Variants in CTNND2 observed in about 807,000 individuals in gnomAD.
The protein encoded by CTNND2 is catenin delta 2, also known as catenin delta-2.
Under a neutral mutation model 144.4 loss-of-function variants are expected in CTNND2, and 22 were observed. The observed-to-expected ratio is 0.15, with a 90% confidence interval of 0.11 to 0.22. The LOEUF (loss-of-function observed/expected upper bound fraction) is 0.22. CTNND2 is among the 10% of genes least tolerant of loss of function. The pLI, the probability that CTNND2 is intolerant of heterozygous loss-of-function variation, is 1.00. For missense variants in CTNND2, 1,353 were observed against 1,618.8 expected, an observed-to-expected ratio of 0.84 and a Z score of 2.82; for synonymous variants, 751 against 695.6, an observed-to-expected ratio of 1.08 and a Z score of -1.25.
At chr5:11,500,673 A>C (rs545051866) in intron 3 of CTNND2, among the ~76,000 whole-genome samples, 1 of 152,370 alleles carries the variant, frequency 6.6e-6, no homozygotes, top group African/African-American at 2.4e-5. Context: ...CCAGGTAATC[A>C]TCACCATGCT....
chr5:11,405,960 C>T (rs901224972), intron 5 of CTNND2, among the ~76,000 whole-genome samples: 1 of 152,084 alleles, frequency 6.6e-6, no homozygotes, highest in Non-Finnish European at 1.5e-5. Context: ...ACCAGCCTGA[C>T]CAACATGGTG....
intron 3 of CTNND2, among the ~76,000 whole-genome samples, chr5:11,481,679 CAGAG>C (rs574200228): frequency 6.6e-6 from 1 of 150,702 alleles, no homozygotes; most frequent in African/African-American, 2.4e-5. Flanking sequence ...AAGAGAGAGA[CAGAG>C]AGAGAGAGAG....
At chr5:10,998,702 A>C in intron 18 of CTNND2, among the ~76,000 whole-genome samples, 1 of 152,168 alleles carries the variant, frequency 6.6e-6, no homozygotes, top group East Asian at 1.9e-4. Context: ...ATATTCCAAA[A>C]CATATTGTCT....
At chr5:11,200,828 G>A (rs1273882925) in intron 10 of CTNND2, among the ~76,000 whole-genome samples, 1 of 152,102 alleles carries the variant, frequency 6.6e-6, no homozygotes. Context: ...ATAGGCGTCC[G>A]CCACCACGCC....
chr5:11,861,271 T>C (rs1373943991), intron 1 of CTNND2, among the ~76,000 whole-genome samples: 2 of 152,192 alleles, frequency 1.3e-5, no homozygotes, highest in Admixed American at 1.3e-4. Flanking sequence ...CTCAGACATC[T>C]GATAAACCTC....
At chr5:11,222,272 A>G (rs1218318056) in intron 10 of CTNND2, among the ~76,000 whole-genome samples, 2 of 152,254 alleles carry the variant, frequency 1.3e-5, no homozygotes, top group Non-Finnish European at 2.9e-5. Context: ...TAGCAAACCC[A>G]GAAAGGAAAC....
chr5:11,029,361 C>G (rs1167291881), intron 16 of CTNND2, among the ~76,000 whole-genome samples: 1 of 152,076 alleles, frequency 6.6e-6, no homozygotes, highest in Admixed American at 6.5e-5. Context: ...TTGTTTGTCC[C>G]TAATTTCCTG....
At chr5:11,147,080 C>T (rs62339096) in intron 12 of CTNND2, among the ~76,000 whole-genome samples, 9,528 of 152,208 alleles carry the variant, frequency 0.063, 581 homozygotes, top group East Asian at 0.34. Flanking sequence ...CAGGTAGGAG[C>T]TATTTATTCA....
At chr5:11,805,737 G>A (rs186440512) in intron 1 of CTNND2, among the ~76,000 whole-genome samples, 1 of 152,244 alleles carries the variant, frequency 6.6e-6, no homozygotes, top group East Asian at 1.9e-4. Flanking sequence ...AATCTCCCAT[G>A]CAGAATTCCA....
At chr5:11,797,142 T>C (rs1791446922) in intron 1 of CTNND2, among the ~76,000 whole-genome samples, 1 of 152,188 alleles carries the variant, frequency 6.6e-6, no homozygotes, top group Admixed American at 6.5e-5. Context: ...TTTACAAATA[T>C]TTTTCCTAAA....
chr5:11,524,729 A>G (rs1247502794), intron 3 of CTNND2, among the ~76,000 whole-genome samples: 1 of 152,250 alleles, frequency 6.6e-6, no homozygotes, highest in Non-Finnish European at 1.5e-5. Context: ...TTGTCAAAAC[A>G]AAATTAATGC....
Position 11,903,328 on chromosome 5 carries a change from A to G in CTNND2, c.37+489T>C. On this transcript the variant is annotated intron_variant, in intron 1 of 21. Transcript: ENST00000304623. This position sits in a 1 kb window ranked among gnomAD's most constrained non-coding sequence, Gnocchi z 5.4. Reference sequence around the variant, plus strand: ...TGGCAAGCCGCGGGAGCCTGAAGACACGGCCATGGACGCATATGACTAAGT... The same window carrying G: ...TGGCAAGCCGCGGGAGCCTGAAGACGCGGCCATGGACGCATATGACTAAGT... The G allele has an allele frequency of 1.0e-6, 1 of 985,930 alleles. No homozygotes were observed. Among genetic ancestry groups the G allele is most frequent in the East Asian group, 1.1e-4 (1 of 8,812 alleles). The allele number at this position is 985,930 out of a possible 1,614,324, so 61.1% of individuals were successfully genotyped here. A position where few individuals can be genotyped will look rare whatever the true frequency, so the allele number is the denominator to read the frequency against.
At chr5:11,651,687 G>A (rs1782653167) in intron 2 of CTNND2, among the ~76,000 whole-genome samples, 1 of 152,202 alleles carries the variant, frequency 6.6e-6, no homozygotes. Flanking sequence ...ACCATGGCCT[G>A]GATGTGAGCA....
chr5:11,476,896 AG>A (rs1767797929), intron 3 of CTNND2, among the ~76,000 whole-genome samples: 2 of 152,228 alleles, frequency 1.3e-5, no homozygotes, highest in South Asian at 4.1e-4. Context: ...TTGCACAGAA[AG>A]GGAGTAGGTC....
intron 1 of CTNND2, among the ~76,000 whole-genome samples, chr5:11,777,541 G>C: frequency 6.6e-6 from 1 of 152,210 alleles, no homozygotes; most frequent in East Asian, 1.9e-4. Context: ...GGAGGTGGTT[G>C]AGTGGTGAAG....
chr5:11,429,762 G>T (rs563108724), intron 3 of CTNND2, among the ~76,000 whole-genome samples: 1 of 152,120 alleles, frequency 6.6e-6, no homozygotes, highest in Non-Finnish European at 1.5e-5. Context: ...TCAGAAAAAC[G>T]AAGTGATGAA....
Position 11,049,243 on chromosome 5 carries a change from T to C in CTNND2, c.2789-26264A>G, listed in dbSNP as rs1253790312. Among the ~76,000 whole-genome samples the C allele has an allele frequency of 3.9e-5, 6 of 152,254 alleles. No individual in the cohort carries two copies. The East Asian group carries it at 5.8e-4, about 15-fold the overall frequency. ...CTTCTCACCTGCCTCAATAACCTCCTAAGCTCCTGGAACGTCATGCCTCAT... is the reference window on the plus strand; with the variant it reads ...CTTCTCACCTGCCTCAATAACCTCCCAAGCTCCTGGAACGTCATGCCTCAT... On this transcript the variant is annotated intron_variant, in intron 16 of 21. Coordinates refer to ENST00000304623, the MANE Select transcript of CTNND2 (RefSeq NM_001332.4).
At position 11,003,101 on chromosome 5, in the gene CTNND2, T is replaced by A. The variant is rs1402729349; in HGVS notation, c.3085-10424A>T. ...TTCCTCAGTGGCCATACACAGACTATTTGGTACTGAAGTCACAAACACAAG... is the reference window on the plus strand; with the variant it reads ...TTCCTCAGTGGCCATACACAGACTAATTGGTACTGAAGTCACAAACACAAG... On this transcript the variant is annotated intron_variant, in intron 18 of 21. Coordinates refer to ENST00000304623, the MANE Select transcript of CTNND2 (RefSeq NM_001332.4). Among the ~76,000 whole-genome samples the A allele has an allele frequency of 2.0e-5, 3 of 152,196 alleles. No individual in the cohort carries two copies. In the East Asian group the frequency reaches 5.8e-4, roughly 29 times the overall value.
At chr5:11,317,225 C>T (rs574947823) in intron 9 of CTNND2, among the ~76,000 whole-genome samples, 8 of 152,268 alleles carry the variant, frequency 5.3e-5, no homozygotes, top group African/African-American at 1.9e-4. Flanking sequence ...TTACCGAGCC[C>T]AGGGTCACAC....
Sources: gnomAD v4.1 joint callset for allele counts (sites outside exome capture counted in the v4.1 genomes callset) on GRCh38, gnomAD v4.1.1 for gene constraint, Gnocchi (gnomAD v3.1) non-coding constraint, MANE v1.5 for transcripts, NCBI Gene and HGNC (gene_info 2026-07-23, HGNC 2026-07-21) for gene names.